Variants in ENTPD1 observed in about 807,000 individuals in gnomAD.
ENTPD1 encodes ATP diphosphohydrolase.
In ENTPD1, 33 loss-of-function variants were observed where a neutral mutation model predicts 57.0. The observed-to-expected ratio is 0.58, with a 90% CI of 0.44 to 0.77. The LOEUF is 0.77. ENTPD1 is among the 30% of genes least tolerant of loss of function. The probability of loss-of-function intolerance (pLI) is 0.00; values close to 1 mark genes in which losing one functional copy is unlikely to be tolerated. For synonymous variants in ENTPD1, 202 were observed against 218.8 expected (o/e 0.92, Z 0.68); for missense variants, 501 against 603.4 (o/e 0.83, Z 1.78).
At chr10:95,697,350 A>T in the ENTPD1 span, among the ~76,000 whole-genome samples, 1 of 152,138 alleles carries the variant, frequency 6.6e-6, no homozygotes, top group Non-Finnish European at 1.5e-5. Flanking sequence ...AAAAGGCAGG[A>T]CAGTGCCCTG....
At chr10:95,806,505 T>C (rs1184825010) in intron 1 of ENTPD1, among the ~76,000 whole-genome samples, 1 of 152,218 alleles carries the variant, frequency 6.6e-6, no homozygotes, top group African/African-American at 2.4e-5. Flanking sequence ...GTCAAAGTCA[T>C]TCTCCATCCA....
At position 95,871,833 on chromosome 10, in the gene ENTPD1, G is replaced by T; in HGVS notation, c.*5450G>T. On this transcript the variant is annotated 3_prime_UTR_variant, in exon 10 of 10. Coordinates refer to ENST00000371205, the MANE Select transcript of ENTPD1 (RefSeq NM_001776.6). ...ATCAGAGAACATGTATTAGTCAATGGTAAGTAAGATACTCTCATCTAAGAA... is the reference window on the plus strand; with the variant it reads ...ATCAGAGAACATGTATTAGTCAATGTTAAGTAAGATACTCTCATCTAAGAA... 1.0e-6 allele frequency: 1 copy of T among 985,364 alleles called. No homozygotes were observed. The highest frequency in any genetic ancestry group is 1.2e-6 in the Non-Finnish European group (1 of 829,908). 61.0% of individuals were successfully genotyped at this position (985,364 alleles called of 1,614,324 possible). A position where few individuals can be genotyped will look rare whatever the true frequency, so the allele number is the denominator to read the frequency against.
chr10:95,713,344 A>G lies in ENTPD1; in HGVS notation c.37+1351A>G, dbSNP rs550618265. ...TTTTTTCTTAAAAAGAAGATTTTGG[A>G]GATCTCTCATTCTAAACAATTGTCT... On this transcript the variant is annotated intron_variant, in intron 1 of 9. Transcript: ENST00000453258. Among the ~76,000 whole-genome samples the G allele has an allele frequency of 8.5e-5, 13 of 152,332 alleles. No individual in the cohort carries two copies. The East Asian group carries it at 1.9e-3, about 23-fold the overall frequency.
In ENTPD1 at chr10:95,866,777, T is replaced by A. The variant is rs1364080884; in HGVS notation, c.*394T>A. 5.4e-6 allele frequency: 6 copies of A among 1,105,606 alleles called. 1 individual carries two copies. The allele number at this position is 1,105,606 out of a possible 1,614,324, so 68.5% of individuals were successfully genotyped here. A position where few individuals can be genotyped will look rare whatever the true frequency, so the allele number is the denominator to read the frequency against. On this transcript the variant is annotated 3_prime_UTR_variant, in exon 10 of 10. Coordinates refer to ENST00000371205, the MANE Select transcript of ENTPD1 (RefSeq NM_001776.6). ...TGAAAGAAGAATCTCAGGAACTGGT[T>A]CAGTTGTACTCTTTAAGAACCCCTT...
intron 1 of ENTPD1, among the ~76,000 whole-genome samples, chr10:95,718,815 G>C (rs1290445742): frequency 6.6e-6 from 1 of 152,174 alleles, no homozygotes; most frequent in East Asian, 1.9e-4. Context: ...ACAAGTTGAG[G>C]TTGGGATCAG....
intron 8 of ENTPD1, among the ~76,000 whole-genome samples, chr10:95,862,633 TG>T (rs1040454782): frequency 6.6e-6 from 1 of 151,940 alleles, no homozygotes; most frequent in African/African-American, 2.4e-5. Context: ...GGAGAGTGAG[TG>T]GAAGGGAGAC....
chr10:95,844,705 T>C, intron 5 of ENTPD1, 70 bp downstream of exon 5: 3 of 1,583,872 alleles, frequency 1.9e-6, no homozygotes, highest in Non-Finnish European at 2.6e-6. Context: ...CAGGCAGTAC[T>C]TGGGTCGCTA....
intron 2 of ENTPD1, among the ~76,000 whole-genome samples, chr10:95,827,243 G>A (rs2098380399): frequency 6.6e-6 from 1 of 152,014 alleles, no homozygotes; most frequent in Non-Finnish European, 1.5e-5. Flanking sequence ...CACGAGGTCA[G>A]GAGTTCAAGA....
intron 1 of ENTPD1, among the ~76,000 whole-genome samples, chr10:95,793,014 G>A (rs2098211751): frequency 6.6e-6 from 1 of 152,150 alleles, no homozygotes; most frequent in South Asian, 2.1e-4. Flanking sequence ...TTTCTTTGGG[G>A]TGCCTTGGGA....
chr10:95,738,575 G>T (rs1003723565), intron 1 of ENTPD1, among the ~76,000 whole-genome samples: 3 of 152,148 alleles, frequency 2.0e-5, no homozygotes, highest in Non-Finnish European at 4.4e-5. Flanking sequence ...ATTCGTCAGA[G>T]AAATGCATAC....
chr10:95,745,066 C>T (rs1343533200), intron 1 of ENTPD1, among the ~76,000 whole-genome samples: 1 of 152,044 alleles, frequency 6.6e-6, no homozygotes, highest in Non-Finnish European at 1.5e-5. Context: ...ATAATGAGTA[C>T]TTTGTTTGAA....
chr10:95,699,745 A>G, the ENTPD1 span, among the ~76,000 whole-genome samples: 1 of 152,220 alleles, frequency 6.6e-6, no homozygotes. Flanking sequence ...AAGGGTATAT[A>G]TTTATAAAAA....
At chr10:95,697,881 A>C in the ENTPD1 span, among the ~76,000 whole-genome samples, 1 of 152,228 alleles carries the variant, frequency 6.6e-6, no homozygotes. Context: ...TGCTGATGAC[A>C]AATACCTGAA....
chr10:95,777,328 C>T (rs1328235849), intron 1 of ENTPD1, among the ~76,000 whole-genome samples: 1 of 152,082 alleles, frequency 6.6e-6, no homozygotes, highest in Non-Finnish European at 1.5e-5. Flanking sequence ...TGTGGATGTC[C>T]TTTTTGTTGA....
At chr10:95,848,904 G>A (rs2098440189) in intron 7 of ENTPD1, among the ~76,000 whole-genome samples, 1 of 151,154 alleles carries the variant, frequency 6.6e-6, no homozygotes, top group African/African-American at 2.4e-5. Context: ...GACTTCATAA[G>A]CGAGGAAGAA....
upstream of ENTPD1, among the ~76,000 whole-genome samples, chr10:95,708,299 C>T (rs1037356416): frequency 1.3e-5 from 2 of 151,976 alleles, no homozygotes; most frequent in East Asian, 3.9e-4. Context: ...CTACAACCTC[C>T]GACTCCCTGG....
At chr10:95,797,812 A>C (rs1221232230) in intron 1 of ENTPD1, among the ~76,000 whole-genome samples, 1 of 152,220 alleles carries the variant, frequency 6.6e-6, no homozygotes, top group Admixed American at 6.5e-5. Context: ...GCCCACCTTC[A>C]ACATTGAAGG....
At chr10:95,723,232 C>T (rs751452902) in intron 1 of ENTPD1, among the ~76,000 whole-genome samples, 1 of 152,152 alleles carries the variant, frequency 6.6e-6, no homozygotes, top group Non-Finnish European at 1.5e-5. Flanking sequence ...AGGAATAGGG[C>T]ACATTGTTTT....
In ENTPD1 at chr10:95,872,255, G is replaced by A; in HGVS notation, c.*5872G>A. 2 of 985,378 alleles carry A rather than the reference G, an allele frequency of 2.0e-6. No homozygotes were observed. The highest frequency in any genetic ancestry group is 2.4e-6 in the Non-Finnish European group (2 of 829,940). The allele number at this position is 985,378 out of a possible 1,614,324, so 61.0% of individuals were successfully genotyped here. A position where few individuals can be genotyped will look rare whatever the true frequency, so the allele number is the denominator to read the frequency against. On this transcript the variant is annotated 3_prime_UTR_variant, in exon 10 of 10. Coordinates refer to ENST00000371205, the MANE Select transcript of ENTPD1 (RefSeq NM_001776.6). ...TTGCTGCTCAACTAAAACCACTGGT[G>A]GCTTTCCATTGCCTACAAAATAAAG...
Sources: allele counts gnomAD v4.1 joint callset (sites outside exome capture counted in the v4.1 genomes callset), GRCh38; gene constraint gnomAD v4.1.1; transcripts MANE v1.5; gene names NCBI Gene and HGNC (gene_info 2026-07-23, HGNC 2026-07-21).